The following CSMD1 variants were observed in gnomAD, a reference collection of about 807,000 sequenced individuals.
CSMD1 encodes CUB and sushi domain-containing protein 1.
In CSMD1, 213 loss-of-function variants were observed where a neutral mutation model predicts 417.5. That is an observed-to-expected ratio of 0.51 (90% confidence interval 0.46 to 0.57). The LOEUF (loss-of-function observed/expected upper bound fraction) is 0.57. CSMD1 is among the 20% of genes least tolerant of loss of function. The probability of loss-of-function intolerance (pLI) is 0.00; values close to 1 mark genes in which losing one functional copy is unlikely to be tolerated. For missense variants in CSMD1, 6,923 were observed against 4,529.7 expected, an observed-to-expected ratio of 1.53 and a Z score of -15.17; for synonymous variants, 2,862 against 1,736.8, an observed-to-expected ratio of 1.65 and a Z score of -16.11.
At chr8:3,377,433 G>A (rs1010784623) in intron 18 of CSMD1, among the ~76,000 whole-genome samples, 10 of 152,106 alleles carry the variant, frequency 6.6e-5, no homozygotes, top group African/African-American at 2.2e-4. Context: ...CATTTATATC[G>A]ACAGACAATA....
intron 3 of CSMD1, among the ~76,000 whole-genome samples, chr8:4,208,215 T>C (rs1216103766): frequency 2.6e-5 from 4 of 152,176 alleles, no homozygotes; most frequent in Non-Finnish European, 5.9e-5. Flanking sequence ...AGATATTTCT[T>C]CTTGCTTTGA....
intron 5 of CSMD1, among the ~76,000 whole-genome samples, chr8:3,939,614 T>A (rs971419033): frequency 1.3e-5 from 2 of 152,004 alleles, no homozygotes; most frequent in African/African-American, 4.8e-5. Context: ...ATGGAAGCAA[T>A]GAAAGTGATC....
chr8:4,338,884 C>A lies in CSMD1; in HGVS notation c.415+81069G>T, dbSNP rs370457852. Among the ~76,000 whole-genome samples, 6 of 152,064 alleles carry A rather than the reference C, an allele frequency of 3.9e-5. No homozygotes were observed. In the East Asian group the frequency reaches 9.7e-4, roughly 25 times the overall value. On this transcript the variant is annotated intron_variant, in intron 3 of 69. Transcript: ENST00000635120. ...AATTATGGAAGGTTTAGAAGAGAAC[C>A]TTTTACTAGAACTGACAACAGAGGC...
intron 3 of CSMD1, among the ~76,000 whole-genome samples, chr8:4,302,059 A>T (rs1798006402): frequency 6.6e-6 from 1 of 152,184 alleles, no homozygotes; most frequent in Non-Finnish European, 1.5e-5. Context: ...TTTCATTAGA[A>T]TTTTCCACAA....
At chr8:4,250,921 C>T (rs184655748) in intron 3 of CSMD1, among the ~76,000 whole-genome samples, 11 of 152,252 alleles carry the variant, frequency 7.2e-5, no homozygotes, top group Admixed American at 4.6e-4. Context: ...GTCTTAGTCA[C>T]GGCTGAGCTC....
chr8:4,285,194 G>C (rs915276002), intron 3 of CSMD1, among the ~76,000 whole-genome samples: 17 of 152,166 alleles, frequency 1.1e-4, no homozygotes, highest in South Asian at 1.0e-3. Flanking sequence ...GTATGTCAAG[G>C]AGTGTGTTAA....
chr8:3,144,684 G>C (rs181761359), intron 40 of CSMD1, among the ~76,000 whole-genome samples: 1 of 151,548 alleles, frequency 6.6e-6, no homozygotes, highest in African/African-American at 2.4e-5. Flanking sequence ...GCTGTTTGTT[G>C]AACAACCACC....
intron 2 of CSMD1, among the ~76,000 whole-genome samples, chr8:4,598,722 C>A (rs1421463159): frequency 6.6e-6 from 1 of 152,114 alleles, no homozygotes; most frequent in Non-Finnish European, 1.5e-5. Context: ...AGTGTGGGTA[C>A]TGGTACTCAG....
intron 1 of CSMD1, among the ~76,000 whole-genome samples, chr8:4,719,422 G>C (rs981602730): frequency 6.6e-6 from 1 of 151,824 alleles, no homozygotes; most frequent in South Asian, 2.1e-4. Context: ...TGCATTAAAA[G>C]CATCATTATA....
intron 1 of CSMD1, among the ~76,000 whole-genome samples, chr8:4,639,193 A>G (rs1477519040): frequency 6.6e-6 from 1 of 150,618 alleles, no homozygotes; most frequent in African/African-American, 2.4e-5. Context: ...CCCCTTCCCA[A>G]GTTACTTCCC....
chr8:3,102,147 G>A (rs929130417), intron 46 of CSMD1, among the ~76,000 whole-genome samples: 2 of 152,130 alleles, frequency 1.3e-5, no homozygotes, highest in South Asian at 2.1e-4. Flanking sequence ...AATAGCTAAC[G>A]TAATTTTTCT....
chr8:3,607,488 C>G (rs891168111), intron 8 of CSMD1, among the ~76,000 whole-genome samples: 1 of 152,152 alleles, frequency 6.6e-6, no homozygotes, highest in African/African-American at 2.4e-5. Flanking sequence ...TATGTGCTAG[C>G]CTTTTCTGTG....
intron 5 of CSMD1, among the ~76,000 whole-genome samples, chr8:3,908,338 T>G (rs1808244209): frequency 6.6e-6 from 1 of 152,254 alleles, no homozygotes; most frequent in Non-Finnish European, 1.5e-5. Flanking sequence ...AAATTTTTAC[T>G]GAATATTTTA....
chr8:4,321,560 C>A (rs932155466), intron 3 of CSMD1, among the ~76,000 whole-genome samples: 2 of 152,070 alleles, frequency 1.3e-5, no homozygotes, highest in Admixed American at 6.6e-5. Flanking sequence ...ACAGATATAA[C>A]AGACAATAAA....
intron 25 of CSMD1, among the ~76,000 whole-genome samples, chr8:3,299,992 G>A (rs1804264759): frequency 6.6e-6 from 1 of 152,102 alleles, no homozygotes; most frequent in South Asian, 2.1e-4. Flanking sequence ...ATCATGAAAA[G>A]TGCCCTGGAG....
intron 1 of CSMD1, among the ~76,000 whole-genome samples, chr8:4,778,259 CTG>C (rs935198637): frequency 6.6e-6 from 1 of 152,088 alleles, no homozygotes; most frequent in Non-Finnish European, 1.5e-5. Context: ...CATCAGCAAA[CTG>C]TGGCACATGG....
Position 3,515,751 on chromosome 8 carries a change from A to C in CSMD1, c.1345-22025T>G, listed in dbSNP as rs140596563. On this transcript the variant is annotated intron_variant, in intron 10 of 69. Transcript: ENST00000635120. ...ATTAATTCAGGTGTATGCCTTCCCC[A>C]TTGACTTCATTTAACAACTACTTTC... is the stretch of plus-strand genomic sequence containing the variant. Among the ~76,000 whole-genome samples the C allele has an allele frequency of 1.3e-3, 195 of 152,326 alleles. 5 individuals are homozygous for C. The East Asian group carries it at 0.029, about 23-fold the overall frequency.
intron 1 of CSMD1, among the ~76,000 whole-genome samples, chr8:4,959,222 G>A (rs1809319892): frequency 6.6e-6 from 1 of 152,158 alleles, no homozygotes; most frequent in African/African-American, 2.4e-5. Context: ...ATGAAGCGGT[G>A]CTTGTTATGT....
chr8:2,978,603 C>G lies in CSMD1; in HGVS notation c.8566+9G>C, dbSNP rs368709961. ...CTCTGCACAGAAATTGGGAATAACC[C>G]TGACTTACCCAAACACTTGGGCAGG... On this transcript the variant is annotated intron_variant, in intron 55 of 69. Coordinates refer to ENST00000635120, the MANE Select transcript of CSMD1 (RefSeq NM_033225.6). 453 of 1,573,062 alleles carry G rather than the reference C, an allele frequency of 2.9e-4. 1 individual carries two copies. The African/African-American group carries it at 5.3e-3, about 18-fold the overall frequency.
Sources: allele counts gnomAD v4.1 joint callset (sites outside exome capture counted in the v4.1 genomes callset), GRCh38; gene constraint gnomAD v4.1.1; transcripts MANE v1.5; gene names NCBI Gene and HGNC (gene_info 2026-07-23, HGNC 2026-07-21).